The following GRIA2 variants were observed in gnomAD, a reference collection of about 807,000 sequenced individuals.
GRIA2 encodes glutamate receptor 2.
Under a neutral mutation model 97.3 loss-of-function variants are expected in GRIA2, and 14 were observed. That is an observed-to-expected ratio of 0.14 (90% CI 0.10 to 0.23). The LOEUF (loss-of-function observed/expected upper bound fraction) is 0.23. GRIA2 is among the 10% of genes least tolerant of loss of function. The probability of loss-of-function intolerance (pLI) is 1.00; values close to 1 mark genes in which losing one functional copy is unlikely to be tolerated. For missense variants in GRIA2, 558 were observed against 1,069.8 expected (o/e 0.52, Z 6.67); for synonymous variants, 412 against 387.8 (o/e 1.06, Z -0.73).
At chr4:157,236,645 A>T (rs1246172727) in intron 2 of GRIA2, among the ~76,000 whole-genome samples, 1 of 152,176 alleles carries the variant, frequency 6.6e-6, no homozygotes, top group East Asian at 1.9e-4. Context: ...ATATCAATTT[A>T]CAACCCTACC....
intron 2 of GRIA2, among the ~76,000 whole-genome samples, chr4:157,269,416 A>G (rs559679662): frequency 2.6e-5 from 4 of 152,234 alleles, no homozygotes; most frequent in Admixed American, 2.0e-4. Flanking sequence ...TTAGAGCTTA[A>G]TAAAACTAAG....
At chr4:157,265,192 G>A (rs1731715206) in intron 2 of GRIA2, among the ~76,000 whole-genome samples, 1 of 152,080 alleles carries the variant, frequency 6.6e-6, no homozygotes. Flanking sequence ...ACTCTGGTGA[G>A]CATTGGAAAT....
chr4:157,315,215 A>G (rs1246134729), intron 4 of GRIA2, among the ~76,000 whole-genome samples: 2 of 152,210 alleles, frequency 1.3e-5, no homozygotes, highest in African/African-American at 4.8e-5. Context: ...GCAACTATTA[A>G]TAATGTATTT....
intron 5 of GRIA2, among the ~76,000 whole-genome samples, chr4:157,319,386 A>C (rs1428838809): frequency 6.6e-6 from 1 of 152,228 alleles, no homozygotes; most frequent in African/African-American, 2.4e-5. Context: ...ATTAAAATGA[A>C]AATAAGTGTT....
chr4:157,355,645 T>TTTATATATATTTAC, intron 12 of GRIA2, among the ~76,000 whole-genome samples: 1 of 134,670 alleles, frequency 7.4e-6, no homozygotes, highest in African/African-American at 2.8e-5. Context: ...TATATATTTA[T>TTTATATATATTTAC]TTATATATTT....
chr4:157,275,080 T>C (rs2126798150), intron 2 of GRIA2, among the ~76,000 whole-genome samples: 1 of 152,278 alleles, frequency 6.6e-6, no homozygotes, highest in South Asian at 2.1e-4. Flanking sequence ...TGAGATGGTA[T>C]CTCATTGTGG....
chr4:157,224,973 T>C (rs1729677337), intron 2 of GRIA2, among the ~76,000 whole-genome samples: 1 of 152,136 alleles, frequency 6.6e-6, no homozygotes, highest in Non-Finnish European at 1.5e-5. Context: ...CAGAGCTAAA[T>C]TTACGTATTA....
intron 2 of GRIA2, among the ~76,000 whole-genome samples, chr4:157,276,754 C>A (rs925667323): frequency 6.6e-6 from 1 of 151,664 alleles, no homozygotes; most frequent in Non-Finnish European, 1.5e-5. Context: ...TAGAGTCATA[C>A]AATGAATAAC....
rs1416639290 is a variant in GRIA2, at chr4:157,364,799, A to G, written c.*1368A>G. ...TGCAATATAGTTTCATCCCATTGAC[A>G]TCAATTAAAAATAACCCTAATATAT... On this transcript the variant is annotated 3_prime_UTR_variant, in exon 16 of 16. Transcript: ENST00000264426. 1 of 152,112 alleles carries G rather than the reference A, an allele frequency of 6.6e-6. No individual in the cohort carries two copies. The highest frequency in any genetic ancestry group is 6.6e-5 in the Admixed American group (1 of 15,176). 9.4% of individuals were successfully genotyped at this position (152,112 alleles called of 1,614,324 possible).
intron 2 of GRIA2, among the ~76,000 whole-genome samples, chr4:157,240,566 C>A (rs1197158939): frequency 6.6e-6 from 1 of 152,066 alleles, no homozygotes; most frequent in Admixed American, 6.6e-5. Context: ...TCAATGTTCT[C>A]TAATCTTATT....
chr4:157,321,894 C>A (rs553413035), intron 6 of GRIA2, among the ~76,000 whole-genome samples: 79 of 151,942 alleles, frequency 5.2e-4, no homozygotes, highest in African/African-American at 1.9e-3. Context: ...GATTCTGAGC[C>A]AGACACTTTT....
chr4:157,339,763 A>C (rs192606730), intron 11 of GRIA2, among the ~76,000 whole-genome samples: 2 of 152,058 alleles, frequency 1.3e-5, no homozygotes, highest in Admixed American at 6.6e-5. Flanking sequence ...TGCGCTCTTA[A>C]ATATATGATA....
intron 2 of GRIA2, among the ~76,000 whole-genome samples, chr4:157,231,989 CTATT>C (rs1730040876): frequency 6.6e-6 from 1 of 152,072 alleles, no homozygotes; most frequent in South Asian, 2.1e-4. Context: ...TTGAGGCTAA[CTATT>C]CAAAAGTTAT....
chr4:157,301,579 G>C (rs747350425), intron 2 of GRIA2, among the ~76,000 whole-genome samples: 2 of 152,306 alleles, frequency 1.3e-5, no homozygotes, highest in Non-Finnish European at 2.9e-5. Context: ...CCGTACAACA[G>C]TTACTAAACA....
chr4:157,320,474 A>G (rs2126903022), intron 5 of GRIA2, among the ~76,000 whole-genome samples: 1 of 152,262 alleles, frequency 6.6e-6, no homozygotes, highest in South Asian at 2.1e-4. Flanking sequence ...CTACGGTAAA[A>G]CAGAATATAT....
intron 2 of GRIA2, among the ~76,000 whole-genome samples, chr4:157,248,591 A>ATATATACG (rs1167244306): frequency 8.2e-6 from 1 of 122,526 alleles, no homozygotes; most frequent in Non-Finnish European, 1.7e-5. Flanking sequence ...ACGTGTATAT[A>ATATATACG]TGTATATATA....
At chr4:157,289,385 A>G (rs1732991936) in intron 2 of GRIA2, among the ~76,000 whole-genome samples, 1 of 151,836 alleles carries the variant, frequency 6.6e-6, no homozygotes, top group African/African-American at 2.4e-5. Context: ...ACATGTTACA[A>G]TTGTCTAGAG....
At chr4:157,323,336 C>CAAAAAAAAAAAAA (rs779080483) in intron 6 of GRIA2, among the ~76,000 whole-genome samples, 1 of 51,436 alleles carries the variant, frequency 1.9e-5, no homozygotes, top group Non-Finnish European at 3.2e-5. Context: ...GACTCTGTCT[C>CAAAAAAAAAAAAA]AAAAAAAAAA....
At chr4:157,319,274 G>A (rs975957669) in intron 5 of GRIA2, among the ~76,000 whole-genome samples, 8 of 152,168 alleles carry the variant, frequency 5.3e-5, no homozygotes, top group Admixed American at 2.6e-4. Context: ...CACATTGAAA[G>A]CTGTGATCTT....
Sources: gnomAD v4.1 joint callset for allele counts (sites outside exome capture counted in the v4.1 genomes callset) on GRCh38, gnomAD v4.1.1 for gene constraint, MANE v1.5 for transcripts, NCBI Gene and HGNC (gene_info 2026-07-23, HGNC 2026-07-21) for gene names.